EXOC4: variants seen among roughly 807,000 people sequenced by gnomAD.
EXOC4 encodes the protein SEC8-like 1.
EXOC4 carries 71 observed loss-of-function variants against 107.2 expected under a neutral mutation model. That is an observed-to-expected ratio of 0.66 (90% CI 0.55 to 0.81). EXOC4 has a LOEUF of 0.81. EXOC4 is among the 30% of genes least tolerant of loss of function. The pLI, the probability that EXOC4 is intolerant of heterozygous loss-of-function variation, is 0.00. For missense variants in EXOC4, 1,108 were observed against 1,189.6 expected (o/e 0.93, Z 1.01); for synonymous variants, 456 against 441.2 (o/e 1.03, Z -0.42).
chr7:133,552,208 A>G (rs978250720), intron 9 of EXOC4, among the ~76,000 whole-genome samples: 6 of 152,168 alleles, frequency 3.9e-5, no homozygotes, highest in Admixed American at 1.3e-4. Context: ...ACATGGCTCA[A>G]TTGAACCATG....
intron 14 of EXOC4, among the ~76,000 whole-genome samples, chr7:133,953,005 A>G (rs1338086453): frequency 6.6e-6 from 1 of 152,232 alleles, no homozygotes; most frequent in African/African-American, 2.4e-5. Context: ...ATTTGGGTAT[A>G]TACCCAGAAG....
At position 133,367,726 on chromosome 7, in the gene EXOC4, C is replaced by T. The variant is rs982202795; in HGVS notation, c.1008-7102C>T. ...TTCAGTTTCCTTGTCTATAAAATGGCGATAAAGTAGTACCTTCCTTATAGG... is the reference window on the plus strand; with the variant it reads ...TTCAGTTTCCTTGTCTATAAAATGGTGATAAAGTAGTACCTTCCTTATAGG... On this transcript the variant is annotated intron_variant, in intron 6 of 17. Coordinates refer to ENST00000253861, the MANE Select transcript of EXOC4 (RefSeq NM_021807.4). Among the ~76,000 whole-genome samples the T allele has an allele frequency of 7.2e-5, 11 of 152,014 alleles. No homozygotes were observed. In the South Asian group the frequency reaches 1.5e-3, roughly 20 times the overall value.
the EXOC4 span, among the ~76,000 whole-genome samples, chr7:134,076,692 A>G: frequency 2.3e-3 from 311 of 134,106 alleles, no homozygotes; most frequent in Middle Eastern, 0.011. Flanking sequence ...AGAAAAAACT[A>G]TCATCTATAA....
intron 10 of EXOC4, among the ~76,000 whole-genome samples, chr7:133,765,475 ATG>A (rs1309593421): frequency 6.6e-6 from 1 of 152,128 alleles, no homozygotes; most frequent in East Asian, 1.9e-4. Flanking sequence ...TGAAAGCTCT[ATG>A]TGTGTCTCCA....
At chr7:133,451,696 T>G (rs1294194542) in intron 7 of EXOC4, among the ~76,000 whole-genome samples, 1 of 152,190 alleles carries the variant, frequency 6.6e-6, no homozygotes, top group Non-Finnish European at 1.5e-5. Flanking sequence ...TTTGAGCTGA[T>G]AGCCACCCAT....
the EXOC4 span, among the ~76,000 whole-genome samples, chr7:134,091,930 G>A: frequency 2.0e-5 from 3 of 152,110 alleles, no homozygotes; most frequent in Non-Finnish European, 4.4e-5. Context: ...TCCTTCAGCT[G>A]TATATGAAAC....
Position 133,498,094 on chromosome 7 carries a change from A to G in EXOC4, c.1417+17956A>G, listed in dbSNP as rs184695683. ...AGAACCAGGCACTGAACATGCCCAA[A>G]TCAGACTCATGATTCCTCCTCCCTA... On this transcript the variant is annotated intron_variant, in intron 9 of 17. Transcript: ENST00000253861. Among the ~76,000 whole-genome samples the G allele has an allele frequency of 1.5e-4, 23 of 152,210 alleles. 1 individual carries two copies. Among genetic ancestry groups the G allele is most frequent in the Admixed American group, 9.8e-4 (15 of 15,294 alleles).
intron 7 of EXOC4, among the ~76,000 whole-genome samples, chr7:133,405,410 TTC>T (rs1797194116): frequency 6.6e-6 from 1 of 152,156 alleles, no homozygotes; most frequent in East Asian, 1.9e-4. Context: ...TTTTTGTGGT[TTC>T]TCTATTTAGA....
chr7:133,449,665 G>A (rs1024921466), intron 7 of EXOC4, among the ~76,000 whole-genome samples: 4 of 151,348 alleles, frequency 2.6e-5, no homozygotes, highest in South Asian at 4.2e-4. Context: ...TGGAAAATGC[G>A]GTAAACTCTT....
At chr7:133,370,245 G>A (rs1196523736) in intron 6 of EXOC4, among the ~76,000 whole-genome samples, 3 of 149,424 alleles carry the variant, frequency 2.0e-5, no homozygotes, top group Non-Finnish European at 1.5e-5. Context: ...CATAGCCTCA[G>A]GTCCTTACGA....
intron 9 of EXOC4, among the ~76,000 whole-genome samples, chr7:133,495,892 T>C (rs931476432): frequency 6.6e-6 from 1 of 152,202 alleles, no homozygotes; most frequent in African/African-American, 2.4e-5. Flanking sequence ...GATTTTACCA[T>C]TATAGAAATT....
chr7:133,485,314 A>G (rs1349063719), intron 9 of EXOC4, among the ~76,000 whole-genome samples: 1 of 151,556 alleles, frequency 6.6e-6, no homozygotes, highest in Non-Finnish European at 1.5e-5. Context: ...ATTTCACTTG[A>G]TCTTTCCGCT....
rs113336557 is a variant in EXOC4 at position 133,536,679 on chromosome 7, A to G, written c.1417+56541A>G. The stretch of plus-strand genomic sequence containing the variant: ...CTCAGCATAATAGTGATGTAACAAG[A>G]CAGAATTTTATTTCTCACATAGAAG... On this transcript the variant is annotated intron_variant, in intron 9 of 17. Transcript: ENST00000253861. Among the ~76,000 whole-genome samples the G allele has an allele frequency of 3.8e-4, 58 of 151,984 alleles. 1 individual carries two copies. Among genetic ancestry groups the G allele is most frequent in the Non-Finnish European group, 7.2e-4 (49 of 67,998 alleles).
At chr7:133,831,557 TG>T (rs1354656722) in intron 11 of EXOC4, among the ~76,000 whole-genome samples, 1 of 55,502 alleles carries the variant, frequency 1.8e-5, no homozygotes, top group Non-Finnish European at 3.4e-5. Context: ...TCTCCATCTT[TG>T]TGATTTTTTT....
the EXOC4 span, among the ~76,000 whole-genome samples, chr7:134,098,905 T>C: frequency 6.6e-6 from 1 of 152,126 alleles, no homozygotes; most frequent in East Asian, 1.9e-4. Context: ...GGTAAAGATG[T>C]AAGAGTTTCT....
At position 133,475,461 on chromosome 7, in the gene EXOC4, A is replaced by G. The variant is rs143823778; in HGVS notation, c.1316A>G (p.Asn439Ser). ...AAGAAGAAACCTCAAAGGCCAAAAA[A>G]TTCTCTTTTCAAGTAAGTATTATTC... ...FAKKKPQRPK[N>S]SLFKFESSSH... Residue 439 changes from asparagine (N) to serine (S), a missense_variant, in exon 8 of 18, where the codon AAT (asparagine) becomes AGT (serine). Transcript: ENST00000253861. The G allele has an allele frequency of 3.5e-5, 56 of 1,613,870 alleles. No individual in the cohort carries two copies. The highest frequency in any genetic ancestry group is 4.2e-5 in the Non-Finnish European group (49 of 1,179,936).
intron 10 of EXOC4, among the ~76,000 whole-genome samples, chr7:133,750,036 C>A (rs1398142053): frequency 1.4e-5 from 2 of 138,822 alleles, no homozygotes; most frequent in East Asian, 4.3e-4. Flanking sequence ...CCACTGAGAC[C>A]AAAATGGGAT....
intron 14 of EXOC4, among the ~76,000 whole-genome samples, chr7:133,982,871 G>C (rs1371534608): frequency 6.6e-6 from 1 of 152,160 alleles, no homozygotes; most frequent in African/African-American, 2.4e-5. Context: ...GCTGGTTTCA[G>C]AAAACACATT....
intron 7 of EXOC4, among the ~76,000 whole-genome samples, chr7:133,464,691 A>G (rs975901297): frequency 7.2e-5 from 11 of 152,008 alleles, no homozygotes; most frequent in African/African-American, 2.2e-4. Flanking sequence ...AGGAGTCAGT[A>G]TATTATGATG....
Sources: allele counts gnomAD v4.1 joint callset (sites outside exome capture counted in the v4.1 genomes callset), GRCh38; gene constraint gnomAD v4.1.1; transcripts MANE v1.5; gene names NCBI Gene and HGNC (gene_info 2026-07-23, HGNC 2026-07-21).